The following DACH1 variants were observed in gnomAD, a reference collection of about 807,000 sequenced individuals.
DACH1 encodes the protein dachshund homolog 1.
DACH1 carries 12 observed loss-of-function variants against 54.2 expected under a neutral mutation model. The observed-to-expected ratio is 0.22, with a 90% CI of 0.14 to 0.36. The LOEUF (loss-of-function observed/expected upper bound fraction) is 0.36. DACH1 is among the 10% of genes least tolerant of loss of function. DACH1 has a pLI of 1.00. For missense variants in DACH1, 805 were observed against 929.8 expected (o/e 0.87, Z 1.75); for synonymous variants, 386 against 366.2 (o/e 1.05, Z -0.62).
At chr13:71,443,959 T>G (rs1874226033) in intron 10 of DACH1, among the ~76,000 whole-genome samples, 1 of 152,226 alleles carries the variant, frequency 6.6e-6, no homozygotes, top group Non-Finnish European at 1.5e-5. Flanking sequence ...TGGCCTGATT[T>G]CTTCCGTTTG....
intron 6 of DACH1, among the ~76,000 whole-genome samples, chr13:71,531,615 T>C (rs769835379): frequency 1.6e-4 from 24 of 151,958 alleles, no homozygotes; most frequent in Non-Finnish European, 3.4e-4. Context: ...TGTTAACTCC[T>C]GAAATATTAA....
intron 10 of DACH1, among the ~76,000 whole-genome samples, chr13:71,458,516 T>C (rs1267450123): frequency 6.6e-6 from 1 of 151,792 alleles, no homozygotes; most frequent in Non-Finnish European, 1.5e-5. Context: ...AGGGAAAAAA[T>C]ATCAAAATTT....
intron 7 of DACH1, among the ~76,000 whole-genome samples, chr13:71,487,573 T>A (rs756795538): frequency 5.9e-5 from 9 of 152,192 alleles, no homozygotes; most frequent in Non-Finnish European, 1.3e-4. Context: ...CAAGAGTCCA[T>A]GTGTCAAACC....
At chr13:71,710,465 TG>T (rs1337815270) in intron 1 of DACH1, among the ~76,000 whole-genome samples, 6 of 149,060 alleles carry the variant, frequency 4.0e-5, no homozygotes, top group Admixed American at 4.0e-4. Context: ...TGTGTGTGTG[TG>T]TGTGTGTGTG....
intron 6 of DACH1, among the ~76,000 whole-genome samples, chr13:71,502,883 C>T (rs1253395357): frequency 6.6e-6 from 1 of 152,212 alleles, no homozygotes; most frequent in Admixed American, 6.6e-5. Flanking sequence ...GACTACTTTG[C>T]TCTGATAAGC....
intron 1 of DACH1, among the ~76,000 whole-genome samples, chr13:71,732,687 A>G (rs573791033): frequency 6.6e-6 from 1 of 151,994 alleles, no homozygotes; most frequent in East Asian, 1.9e-4. Context: ...TTTATTTGTA[A>G]ATACAGTTTT....
intron 3 of DACH1, 61 bp from the exon 4 acceptor site, chr13:71,573,073 A>G: frequency 6.6e-7 from 1 of 1,509,760 alleles, no homozygotes; most frequent in East Asian, 2.3e-5. Flanking sequence ...AAAAATTGAA[A>G]CAGTCAAAAG....
chr13:71,764,563 A>C (rs1276386598), intron 1 of DACH1, among the ~76,000 whole-genome samples: 2 of 152,224 alleles, frequency 1.3e-5, no homozygotes, highest in Non-Finnish European at 2.9e-5. Flanking sequence ...AAATAAGTGG[A>C]AGCAGTGATG....
chr13:71,666,537 C>T (rs1235924112), intron 2 of DACH1, among the ~76,000 whole-genome samples: 3 of 152,020 alleles, frequency 2.0e-5, no homozygotes, highest in African/African-American at 7.2e-5. Context: ...TTATGAAATG[C>T]TAAACTTATG....
At chr13:71,683,350 G>A (rs569881159) in intron 1 of DACH1, among the ~76,000 whole-genome samples, 13 of 152,134 alleles carry the variant, frequency 8.5e-5, no homozygotes, top group African/African-American at 3.1e-4. Context: ...AAGGCAGCGG[G>A]AACATTAGAA....
In DACH1 at chr13:71,784,248, A is replaced by G. The variant is rs73525472; in HGVS notation, c.848+81674T>C. On this transcript the variant is annotated intron_variant, in intron 1 of 10. Coordinates refer to ENST00000613252, the MANE Select transcript of DACH1 (RefSeq NM_080759.6). Reference sequence around the variant, plus strand: ...ATGTTTTCTAACTTCTAGAACTTCTATGTGTAGGCAAGATAGTACCTGTTC... The same window carrying G: ...ATGTTTTCTAACTTCTAGAACTTCTGTGTGTAGGCAAGATAGTACCTGTTC... Among the ~76,000 whole-genome samples, 1,367 of 152,186 alleles carry G rather than the reference A, an allele frequency of 9.0e-3. 13 individuals are homozygous for G. Among genetic ancestry groups the G allele is most frequent in the African/African-American group, 0.031 (1,306 of 41,544 alleles).
intron 6 of DACH1, 66 bp from the exon 7 acceptor site, chr13:71,489,214 A>G: frequency 6.5e-7 from 1 of 1,532,794 alleles, no homozygotes; most frequent in Non-Finnish European, 8.9e-7. Context: ...GACCTCAGTA[A>G]TGGCTTCCCT....
At chr13:71,593,277 T>C (rs1004906710) in intron 3 of DACH1, among the ~76,000 whole-genome samples, 1 of 152,180 alleles carries the variant, frequency 6.6e-6, no homozygotes, top group Admixed American at 6.5e-5. Context: ...GAGATATTAA[T>C]ACTCTCTGAA....
At chr13:71,526,486 C>A (rs938147064) in intron 6 of DACH1, among the ~76,000 whole-genome samples, 2 of 152,004 alleles carry the variant, frequency 1.3e-5, no homozygotes, top group Admixed American at 1.3e-4. Flanking sequence ...CTACAAATAT[C>A]TTCTGGTATC....
intron 1 of DACH1, among the ~76,000 whole-genome samples, chr13:71,862,777 A>G (rs1054089249): frequency 2.0e-5 from 3 of 152,050 alleles, no homozygotes; most frequent in African/African-American, 7.2e-5. Flanking sequence ...CTGTAACATC[A>G]TTTCGGTTCC....
intron 6 of DACH1, among the ~76,000 whole-genome samples, chr13:71,491,838 C>T (rs967248266): frequency 2.0e-5 from 3 of 152,058 alleles, no homozygotes; most frequent in African/African-American, 4.8e-5. Context: ...TAAAAGTGAC[C>T]TTTGATTTCC....
At chr13:71,709,475 A>C (rs1882608323) in intron 1 of DACH1, among the ~76,000 whole-genome samples, 1 of 151,566 alleles carries the variant, frequency 6.6e-6, no homozygotes, top group Admixed American at 6.6e-5. Context: ...CATTTTCCAG[A>C]GTATACAGGC....
chr13:71,658,166 T>C (rs1879260324), intron 2 of DACH1, among the ~76,000 whole-genome samples: 1 of 152,154 alleles, frequency 6.6e-6, no homozygotes, highest in Non-Finnish European at 1.5e-5. Flanking sequence ...ATTTCCCCTA[T>C]CAAGGTAATA....
In DACH1 at chr13:71,596,494, T is replaced by C. The variant is rs536729074; in HGVS notation, c.1127-23482A>G. Reference sequence around the variant, plus strand: ...TTCATATTTATGGTTTAATACATTGTACTTGTAATAACTGTGCTAGAAATA... The same window carrying C: ...TTCATATTTATGGTTTAATACATTGCACTTGTAATAACTGTGCTAGAAATA... On this transcript the variant is annotated intron_variant, in intron 3 of 10. Transcript: ENST00000613252. Among the ~76,000 whole-genome samples the C allele has an allele frequency of 2.0e-5, 3 of 152,366 alleles. No homozygotes were observed. In the East Asian group the frequency reaches 5.8e-4, roughly 29 times the overall value.
Sources: allele counts gnomAD v4.1 joint callset (sites outside exome capture counted in the v4.1 genomes callset), GRCh38; gene constraint gnomAD v4.1.1; transcripts MANE v1.5; gene names NCBI Gene and HGNC (gene_info 2026-07-23, HGNC 2026-07-21).